The following PRDM14 variants were observed in gnomAD, a reference collection of about 807,000 sequenced individuals.
PRDM14 encodes PR domain zinc finger protein 14.
A neutral mutation model predicts 48.0 loss-of-function variants in PRDM14; 16 were observed. The ratio of observed to expected loss-of-function variants is 0.33; its 90% CI spans 0.23 to 0.51. The LOEUF (loss-of-function observed/expected upper bound fraction) is 0.51. Ranked by LOEUF, PRDM14 falls within the 20% of genes least tolerant of loss-of-function variation. The pLI, the probability that PRDM14 is intolerant of heterozygous loss-of-function variation, is 0.97. For missense variants in PRDM14, 566 were observed against 719.6 expected, an observed-to-expected ratio of 0.79 and a Z score of 2.44; for synonymous variants, 264 against 276.6, an observed-to-expected ratio of 0.95 and a Z score of 0.45.
At chr8:70,068,409 A>G (rs1320550956) in intron 3 of PRDM14, 22 bp from the exon 4 acceptor site, 1 of 1,614,164 alleles carries the variant, frequency 6.2e-7, no homozygotes, top group East Asian at 2.2e-5. Context: ...CCGAGGCAGG[A>G]AAAGAGAATG....
At chr8:70,068,427 T>G in intron 3 of PRDM14, 40 bp from the exon 4 acceptor site, 1 of 1,613,932 alleles carries the variant, frequency 6.2e-7, no homozygotes, top group Non-Finnish European at 8.5e-7. Flanking sequence ...ATGAGGAGAG[T>G]TGACTCTGCA....
intron 5 of PRDM14, among the ~76,000 whole-genome samples, chr8:70,059,118 C>T (rs1563439620): frequency 6.6e-6 from 1 of 151,770 alleles, no homozygotes; most frequent in African/African-American, 2.4e-5. Context: ...CCACGCCTGG[C>T]TAATTTTTGT....
intron 7 of PRDM14, among the ~76,000 whole-genome samples, chr8:70,054,403 T>C (rs781027397): frequency 7.2e-5 from 11 of 152,148 alleles, no homozygotes; most frequent in Non-Finnish European, 1.3e-4. Flanking sequence ...TTTATCAATG[T>C]GGAAACTAAC....
At chr8:70,062,388 C>T (rs570878271) in intron 5 of PRDM14, among the ~76,000 whole-genome samples, 4 of 152,092 alleles carry the variant, frequency 2.6e-5, no homozygotes, top group South Asian at 4.1e-4. Context: ...AGGTTTTTTT[C>T]GAACTTTGGA....
chr8:70,056,539 T>A (rs1476891808), intron 6 of PRDM14, among the ~76,000 whole-genome samples: 2 of 152,090 alleles, frequency 1.3e-5, no homozygotes. Context: ...TGGAGTGCAG[T>A]AGCATGATCT....
At chr8:70,065,689 C>T (rs1484651385) in intron 5 of PRDM14, among the ~76,000 whole-genome samples, 1 of 152,108 alleles carries the variant, frequency 6.6e-6, no homozygotes, top group Admixed American at 6.5e-5. Flanking sequence ...CCACCATACC[C>T]ACATATACCC....
At chr8:70,064,128 T>C (rs1383364718) in intron 5 of PRDM14, among the ~76,000 whole-genome samples, 3 of 151,952 alleles carry the variant, frequency 2.0e-5, no homozygotes, top group Admixed American at 2.0e-4. Context: ...GGACATAAGA[T>C]ACCTGGGGGA....
intron 5 of PRDM14, among the ~76,000 whole-genome samples, chr8:70,065,937 T>C (rs1367962621): frequency 6.6e-6 from 1 of 152,200 alleles, no homozygotes; most frequent in East Asian, 1.9e-4. Flanking sequence ...TCACCTATGG[T>C]AGAAGTTACA....
At position 70,066,356 on chromosome 8, in the gene PRDM14, T is replaced by C. The variant is rs1563442144; in HGVS notation, c.1062A>G (p.Lys354=). 1.9e-6 allele frequency: 3 copies of C among 1,614,176 alleles called. No homozygotes were observed. Among genetic ancestry groups the C allele is most frequent in the Non-Finnish European group, 2.5e-6 (3 of 1,180,040 alleles). ...CQGHIFYESC[K]EIHQNQELLV... ...GGAGCTCTTGGTTCTGATGGATCTC[T>C]TTGCAGCTCTCATAAAATATATGCC... The change falls in exon 5 of 8, where the codon AAA becomes AAG. Residue 354 remains lysine (K), a synonymous_variant. Transcript: ENST00000276594.
At chr8:70,067,496 T>C (rs1448751789) in intron 4 of PRDM14, among the ~76,000 whole-genome samples, 1 of 118,088 alleles carries the variant, frequency 8.5e-6, no homozygotes, top group African/African-American at 3.3e-5. Flanking sequence ...CCAACCTGGG[T>C]AACAGACAAA....
At chr8:70,057,390 C>T (rs934345175) in intron 6 of PRDM14, among the ~76,000 whole-genome samples, 1 of 150,504 alleles carries the variant, frequency 6.6e-6, no homozygotes, top group Non-Finnish European at 1.5e-5. Context: ...AGTGCAATGA[C>T]ACAGTCTCGG....
chr8:70,066,960 G>A (rs1002380771), intron 4 of PRDM14, among the ~76,000 whole-genome samples: 1 of 152,094 alleles, frequency 6.6e-6, no homozygotes, highest in Non-Finnish European at 1.5e-5. Flanking sequence ...AAACTCCTGG[G>A]TTCAAGTGAT....
At chr8:70,067,583 C>T (rs537587717) in intron 4 of PRDM14, among the ~76,000 whole-genome samples, 5 of 151,406 alleles carry the variant, frequency 3.3e-5, no homozygotes, top group East Asian at 1.9e-4. Flanking sequence ...CTGGCAATTT[C>T]GCTGTCTCCA....
intron 6 of PRDM14, among the ~76,000 whole-genome samples, chr8:70,056,281 T>A (rs528948753): frequency 6.0e-4 from 91 of 152,338 alleles, no homozygotes; most frequent in African/African-American, 2.1e-3. Context: ...TGAAGTAAAC[T>A]ACCAGAGAGG....
In PRDM14 at chr8:70,055,346, C is replaced by T; in HGVS notation, c.1442G>A (p.Arg481Gln). Residue 481 changes from arginine (R) to glutamine (Q), a missense_variant, in exon 7 of 8, where the codon CGA becomes CAA. This residue lies in a region of PRDM14 where 126 missense variants were observed against 271.6 expected (regional missense o/e 0.46). Coordinates refer to ENST00000276594, the MANE Select transcript of PRDM14 (RefSeq NM_024504.4). ...GTATGGTCTGTCTCCAGAGTGGACT[C>T]GCATGTGTTTGTTTAGGCTGGAAGA... ...SQSSSLNKHMRVHSGDRPYQC... is the reference protein window; with the variant it reads ...SQSSSLNKHMQVHSGDRPYQC... 1.9e-6 allele frequency: 3 copies of T among 1,609,864 alleles called. No individual in the cohort carries two copies. The highest frequency in any genetic ancestry group is 2.2e-5 in the East Asian group (1 of 44,862).
Position 70,059,261 on chromosome 8 carries a change from ATTTTC to A in PRDM14, c.1184-424_1184-420del, listed in dbSNP as rs549338001. On this transcript the variant is annotated intron_variant, in intron 5 of 7. Transcript: ENST00000276594. ...TGAGCCACTGTGCCTGGTCAAGAGA[ATTTTC>A]TTTTCTTTTCTTTTTTTTTTTTTGA... is the stretch of plus-strand genomic sequence containing the variant. 4.2e-3 allele frequency among the ~76,000 whole-genome samples: 626 copies of A among 149,794 alleles called. 6 individuals are homozygous for A. Among genetic ancestry groups the A allele is most frequent in the African/African-American group, 0.014 (557 of 40,586 alleles).
chr8:70,061,262 CTA>C (rs1331852386), intron 5 of PRDM14, among the ~76,000 whole-genome samples: 1 of 152,154 alleles, frequency 6.6e-6, no homozygotes, highest in Non-Finnish European at 1.5e-5. Flanking sequence ...GTGGCTTTGA[CTA>C]TGAATGCACC....
chr8:70,063,425 C>T (rs1018900761), intron 5 of PRDM14, among the ~76,000 whole-genome samples: 10 of 152,106 alleles, frequency 6.6e-5, no homozygotes, highest in Non-Finnish European at 1.5e-4. Context: ...CAGAGTGAGA[C>T]CCTATCTCAA....
rs868262210 is a variant in PRDM14, at chr8:70,069,402, G to T, written c.459C>A (p.Pro153=). ...CAGGTAACAGAGAAGCATCCGCAGG[G>T]GGCGGTGGAATTAAAGTGTCAGGTC... ...CCGPDTLIPP[P]PADASLLPEG... is the part of the protein sequence containing the mutation. The change falls in exon 2 of 8, where the codon CCC becomes CCA. Residue 153 remains proline, a synonymous_variant. Coordinates refer to ENST00000276594, the MANE Select transcript of PRDM14 (RefSeq NM_024504.4). 6.2e-7 allele frequency: 1 copy of T among 1,608,180 alleles called. No individual in the cohort carries two copies. The highest frequency in any genetic ancestry group is 8.5e-7 in the Non-Finnish European group (1 of 1,177,020).
Sources: gnomAD v4.1 joint callset for allele counts (sites outside exome capture counted in the v4.1 genomes callset) on GRCh38, gnomAD v4.1.1 for gene constraint, gnomAD v4.1.1 regional missense constraint, MANE v1.5 for transcripts, NCBI Gene and HGNC (gene_info 2026-07-23, HGNC 2026-07-21) for gene names.